DDHD2: variants seen among roughly 807,000 people sequenced by gnomAD.
The protein encoded by DDHD2 is DDHD domain containing 2, also known as triacylglycerol hydrolase DDHD2.
In DDHD2, 62 loss-of-function variants were observed where a neutral mutation model predicts 91.2. That is an observed-to-expected ratio of 0.68 (90% CI 0.55 to 0.84). DDHD2 has a LOEUF of 0.84. Among genes scored for constraint, DDHD2 ranks in the 40% least tolerant of loss-of-function variants. DDHD2 has a pLI of 0.00. For synonymous variants in DDHD2, 271 were observed against 293.9 expected, an observed-to-expected ratio of 0.92 and a Z score of 0.80; for missense variants, 740 against 846.9, an observed-to-expected ratio of 0.87 and a Z score of 1.57.
intron 10 of DDHD2, among the ~76,000 whole-genome samples, chr8:38,249,455 G>GTTT (rs74689881): frequency 9.2e-6 from 1 of 108,690 alleles, no homozygotes; most frequent in African/African-American, 3.3e-5. Flanking sequence ...CAACTTCTCT[G>GTTT]TTTTTTTTTT....
At chr8:38,263,203 T>C (rs9198), downstream of DDHD2, 38,300 of 163,496 alleles carry the variant, frequency 0.23, 4,716 homozygotes, top group East Asian at 0.31. Flanking sequence ...TAAAAGACAA[T>C]GTCATATTTA....
Position 38,234,365 on chromosome 8 carries a change from C to T in DDHD2, c.221-29C>T, listed in dbSNP as rs199923179. 3.7e-5 allele frequency: 55 copies of T among 1,494,788 alleles called. No homozygotes were observed. The African/African-American group carries it at 6.7e-4, about 18-fold the overall frequency. 92.6% of individuals were successfully genotyped at this position (1,494,788 alleles called of 1,614,324 possible). ...TGGGAGATTTATTTTGAAATATGTA[C>T]TTCTTTTCCCCTTTTCAATCCTTGA... On this transcript the variant is annotated intron_variant, in intron 2 of 17. Coordinates refer to ENST00000397166, the MANE Select transcript of DDHD2 (RefSeq NM_015214.3).
chr8:38,267,304 A>G (rs1563327434), downstream of DDHD2: 7 of 1,613,882 alleles, frequency 4.3e-6, no homozygotes, highest in Non-Finnish European at 5.1e-6. Flanking sequence ...TTCGGCCCTC[A>G]TTCACCACGT....
At chr8:38,264,796 C>T (rs892472941), downstream of DDHD2, 4 of 1,517,580 alleles carry the variant, frequency 2.6e-6, no homozygotes, top group African/African-American at 1.4e-5. Flanking sequence ...TTATCATTGT[C>T]AGGTTGCTTT....
intron 3 of DDHD2, among the ~76,000 whole-genome samples, chr8:38,235,474 C>A (rs565565436): frequency 6.6e-6 from 1 of 152,146 alleles, no homozygotes; most frequent in Non-Finnish European, 1.5e-5. Flanking sequence ...GTAATCCCAG[C>A]AGTTTGGGGG....
chr8:38,237,865 A>G (rs922025784), intron 4 of DDHD2, among the ~76,000 whole-genome samples: 12 of 152,226 alleles, frequency 7.9e-5, no homozygotes, highest in African/African-American at 2.9e-4. Flanking sequence ...AATCACTGAC[A>G]TATTATGTGA....
At chr8:38,267,260 T>C, downstream of DDHD2, 2 of 1,613,970 alleles carry the variant, frequency 1.2e-6, no homozygotes, top group East Asian at 2.2e-5. Flanking sequence ...CCATATGATA[T>C]TCATACAGGA....
At chr8:38,232,678 G>C (rs2130729957) in intron 1 of DDHD2, among the ~76,000 whole-genome samples, 1 of 152,290 alleles carries the variant, frequency 6.6e-6, no homozygotes, top group South Asian at 2.1e-4. Flanking sequence ...TGTTTTTGTT[G>C]CAATCTAGTT....
chr8:38,267,389 G>C (rs762836521), downstream of DDHD2: 1 of 1,612,808 alleles, frequency 6.2e-7, no homozygotes, highest in Non-Finnish European at 8.5e-7. Flanking sequence ...ATCTGGGCGT[G>C]GCCTGGAAGA....
chr8:38,263,433 G>A, downstream of DDHD2: 1 of 985,366 alleles, frequency 1.0e-6, no homozygotes, highest in Non-Finnish European at 1.2e-6. Context: ...AAGGAAAGAA[G>A]CTCACAAGTA....
chr8:38,266,639 G>A (rs937795370), downstream of DDHD2, among the ~76,000 whole-genome samples: 13 of 152,132 alleles, frequency 8.5e-5, no homozygotes. Flanking sequence ...GGCCTCAAGT[G>A]ACCTGCATGC....
intron 1 of DDHD2, chr8:38,268,819 G>T: frequency 6.8e-7 from 1 of 1,464,344 alleles, no homozygotes; most frequent in South Asian, 1.4e-5. Context: ...GGTGGAAAAC[G>T]CACAGGTGCC....
chr8:38,267,679 C>T (rs1563328649), downstream of DDHD2: 6 of 624,280 alleles, frequency 9.6e-6, no homozygotes, highest in Admixed American at 1.2e-4. Context: ...CTGCTGTGGC[C>T]GTTGGTGGGA....
rs1375279372 is a variant in DDHD2, at chr8:38,260,613, G to A, written c.*40G>A. 1 of 152,938 alleles carries A rather than the reference G, an allele frequency of 6.5e-6. No homozygotes were observed. The highest frequency in any genetic ancestry group is 1.5e-5 in the Non-Finnish European group (1 of 68,376). The allele number at this position is 152,938 out of a possible 1,614,324, so 9.5% of individuals were successfully genotyped here. A position where few individuals can be genotyped will look rare whatever the true frequency, so the allele number is the denominator to read the frequency against. ...TTTCTTCCCTAGACGGACATTGAGG[G>A]ATCCTTCCCCAGAAAATCCACCTGT... On this transcript the variant is annotated 3_prime_UTR_variant, in exon 18 of 18. Transcript: ENST00000397166.
At chr8:38,243,188 A>C (rs1805376413) in intron 7 of DDHD2, among the ~76,000 whole-genome samples, 1 of 152,228 alleles carries the variant, frequency 6.6e-6, no homozygotes, top group African/African-American at 2.4e-5. Context: ...TATAAATTGC[A>C]GAAGTGGTTG....
chr8:38,242,021 C>CGTA, intron 6 of DDHD2: 3 of 399,252 alleles, frequency 7.5e-6, no homozygotes, highest in Non-Finnish European at 1.3e-5. Flanking sequence ...GCCACTGCAC[C>CGTA]CCAGCTTGGG....
chr8:38,256,743 A>G (rs1311047017), intron 16 of DDHD2, among the ~76,000 whole-genome samples: 1 of 152,166 alleles, frequency 6.6e-6, no homozygotes, highest in Non-Finnish European at 1.5e-5. Context: ...CAAAGCTGCT[A>G]GGAACATTCA....
chr8:38,269,245 G>A lies in DDHD2; in HGVS notation n.88-1877G>A, dbSNP rs1808320485. The A allele has an allele frequency of 2.1e-6, 3 of 1,405,662 alleles. No individual in the cohort carries two copies. In the South Asian group the frequency reaches 4.5e-5, roughly 21 times the overall value. The allele number at this position is 1,405,662 out of a possible 1,614,324, so 87.1% of individuals were successfully genotyped here. ...ACGCTGCGCTGACGTGGCCACCTCC[G>A]CGGGGAGGGCCGGGCCGGGAACTGG... On this transcript the variant is annotated intron_variant and non_coding_transcript_variant, in intron 1 of 1. Transcript: ENST00000526071.
intron 1 of DDHD2, chr8:38,269,203 G>A: frequency 1.3e-6 from 2 of 1,498,482 alleles, no homozygotes; most frequent in African/African-American, 1.5e-5. Context: ...TCCCCATCCG[G>A]CCGCGAGCTC....
Sources: gnomAD v4.1 joint callset for allele counts (sites outside exome capture counted in the v4.1 genomes callset) on GRCh38, gnomAD v4.1.1 for gene constraint, MANE v1.5 for transcripts, NCBI Gene and HGNC (gene_info 2026-07-23, HGNC 2026-07-21) for gene names.